Variants in WFS1 observed in about 807,000 individuals in gnomAD.
WFS1 encodes the protein wolframin ER transmembrane glycoprotein.
In WFS1, 90 loss-of-function variants were observed where a neutral mutation model predicts 68.5. The observed-to-expected ratio is 1.31, with a 90% CI of 1.11 to 1.56. WFS1 has a LOEUF of 1.56. WFS1 is among the 40% of genes most tolerant of loss of function. The probability of loss-of-function intolerance (pLI) is 0.00; values close to 1 mark genes in which losing one functional copy is unlikely to be tolerated. For synonymous variants in WFS1, 860 were observed against 540.7 expected (o/e 1.59, Z -8.19); for missense variants, 1,767 against 1,232.6 (o/e 1.43, Z -6.49).
chr4:6,301,310 C>T lies in WFS1; in HGVS notation c.1515C>T (p.Cys505=). The T allele has an allele frequency of 3.7e-6, 6 of 1,611,428 alleles. No homozygotes were observed. The highest frequency in any genetic ancestry group is 5.1e-6 in the Non-Finnish European group (6 of 1,179,970). Residue 505 remains cysteine, a synonymous_variant, in exon 8 of 8, where the codon TGC becomes TGT. Coordinates refer to ENST00000226760, the MANE Select transcript of WFS1 (RefSeq NM_006005.3). ...TCGTCCTCAACGTCAGCGTCCCGTGCCTGCTCTATGTCTACCTGCTCTATC... is the reference window on the plus strand; with the variant it reads ...TCGTCCTCAACGTCAGCGTCCCGTGTCTGCTCTATGTCTACCTGCTCTATC... ...HLVVLNVSVP[C]LLYVYLLYLF...
At position 6,300,328 on chromosome 4, in the gene WFS1, T is replaced by C. The variant is rs970189031; in HGVS notation, c.862-329T>C. Among the ~76,000 whole-genome samples, 8 of 152,106 alleles carry C rather than the reference T, an allele frequency of 5.3e-5. No homozygotes were observed. In the East Asian group the frequency reaches 7.8e-4, roughly 15 times the overall value. Reference sequence around the variant, plus strand: ...GTGGGTGACCCTGAGGGGAGGGAAGTGGGGAGCCCGTGGGTCCCTCCAGTG... The same window carrying C: ...GTGGGTGACCCTGAGGGGAGGGAAGCGGGGAGCCCGTGGGTCCCTCCAGTG... On this transcript the variant is annotated intron_variant, in intron 7 of 7. Transcript: ENST00000226760.
chr4:6,299,297 G>A (rs1282837796), intron 7 of WFS1, among the ~76,000 whole-genome samples: 1 of 152,212 alleles, frequency 6.6e-6, no homozygotes, highest in Admixed American at 6.5e-5. Flanking sequence ...CCTCTTGGCT[G>A]TGGTGAAGGC....
Position 6,295,054 on chromosome 4 carries a change from C to T in WFS1, c.726C>T (p.Ile242=), listed in dbSNP as rs71524381. 124 of 1,613,436 alleles carry T rather than the reference C, an allele frequency of 7.7e-5. No homozygotes were observed. The highest frequency in any genetic ancestry group is 1.6e-4 in the Middle Eastern group (1 of 6,082). ...RLVSSESKNY[I]ALDDFVEITK... The stretch of plus-strand genomic sequence containing the variant: ...CTCATGCTTCAGCCAAGAACTACAT[C>T]GCGCTGGATGACTTTGTGGAGATCA... The change falls in exon 7 of 8, where the codon ATC becomes ATT. Residue 242 remains isoleucine, a synonymous_variant. Transcript: ENST00000226760.
rs1560418384 is a variant in WFS1, at chr4:6,300,944, C to T, written c.1149C>T (p.Arg383=). ...GCACCCTCACCGACCTGCTGCTGCGCTTCGAGCCCAACCTGGATGTGGAGC... is the reference window on the plus strand; with the variant it reads ...GCACCCTCACCGACCTGCTGCTGCGTTTCGAGCCCAACCTGGATGTGGAGC... The part of the protein sequence containing the change: ...NFRTLTDLLL[R]FEPNLDVEQA... The change falls in exon 8 of 8, where the codon CGC becomes CGT. Residue 383 remains arginine, a synonymous_variant. Transcript: ENST00000226760. 6.2e-7 allele frequency: 1 copy of T among 1,614,082 alleles called. No individual in the cohort carries two copies. Among genetic ancestry groups the T allele is most frequent in the Non-Finnish European group, 8.5e-7 (1 of 1,180,030 alleles).
chr4:6,277,701 C>G lies in WFS1; in HGVS notation c.232+14C>G. ...CAGACGGCACCGGTAAGGGAGCAGG[C>G]TGGGAAGCCCAGGCTGGGGATGTTC... On this transcript the variant is annotated intron_variant, in intron 2 of 7. Transcript: ENST00000226760. 6.4e-7 allele frequency: 1 copy of G among 1,552,116 alleles called. No individual in the cohort carries two copies. The highest frequency in any genetic ancestry group is 1.2e-5 in the South Asian group (1 of 84,190).
rs777663097 is a variant in WFS1, at chr4:6,301,965, C to T, written c.2170C>T (p.Pro724Ser). The T allele has an allele frequency of 1.9e-6, 3 of 1,612,820 alleles. No homozygotes were observed. In the East Asian group the frequency reaches 6.7e-5, roughly 36 times the overall value. Residue 724 changes from proline to serine, a missense_variant, in exon 8 of 8, where the codon CCG becomes TCG. Physicochemically the swap from Pro to Ser is moderately conservative, Grantham distance 74 (BLOSUM62 -1). Coordinates refer to ENST00000226760, the MANE Select transcript of WFS1 (RefSeq NM_006005.3). ...NSAESAINML[P>S]FFIGDWMRCL... is the part of the protein sequence containing the mutation. ...CGCCGAGTCTGCCATCAACATGCTC[C>T]CGTTCTTCATCGGCGACTGGATGCG...
In WFS1 at chr4:6,301,604, C is replaced by G. The variant is rs757084899; in HGVS notation, c.1809C>G (p.Val603=). 1.2e-6 allele frequency: 2 copies of G among 1,614,168 alleles called. No individual in the cohort carries two copies. Among genetic ancestry groups the G allele is most frequent in the East Asian group, 2.2e-5 (1 of 44,876 alleles). Residue 603 remains valine, a synonymous_variant, in exon 8 of 8, where the codon GTC becomes GTG. Coordinates refer to ENST00000226760, the MANE Select transcript of WFS1 (RefSeq NM_006005.3). ...ELTKIAVTVA[V]CSVPLLLRWW... ...CCAAGATCGCAGTCACCGTGGCGGT[C>G]TGTAGTGTGCCCCTGCTGTTGCGCT...
At position 6,277,455 on chromosome 4, in the gene WFS1, G is replaced by C. The variant is rs1405305093; in HGVS notation, c.-1G>C. 6.4e-7 allele frequency: 1 copy of C among 1,553,202 alleles called. No homozygotes were observed. Among genetic ancestry groups the C allele is most frequent in the Admixed American group, 1.9e-5 (1 of 51,300 alleles). On this transcript the variant is annotated 5_prime_UTR_variant, in exon 2 of 8. Coordinates refer to ENST00000226760, the MANE Select transcript of WFS1 (RefSeq NM_006005.3). ...TGACCTTGACTTTTCTTCCAGGCAG[G>C]ATGGACTCCAACACTGCTCCGCTGG...
At position 6,270,363 on chromosome 4, in the gene WFS1, C is replaced by G. The variant is rs571212929; in HGVS notation, c.-6+349C>G. Among the ~76,000 whole-genome samples, 32 of 151,650 alleles carry G rather than the reference C, an allele frequency of 2.1e-4. No homozygotes were observed. The East Asian group carries it at 5.9e-3, about 28-fold the overall frequency. ...CTCCCCGCGCCCCGCGCCATCCCCC[C>G]CGAGTTGCCCCGTCATGCCCCTCCC... On this transcript the variant is annotated intron_variant, in intron 1 of 7. Transcript: ENST00000226760.
At chr4:6,295,840 C>T (rs1730625321) in intron 7 of WFS1, among the ~76,000 whole-genome samples, 1 of 152,118 alleles carries the variant, frequency 6.6e-6, no homozygotes, top group Non-Finnish European at 1.5e-5. Context: ...GCCATGTGGC[C>T]CTATGGCCTC....
chr4:6,275,227 A>G (rs1279276604), intron 1 of WFS1, among the ~76,000 whole-genome samples: 1 of 152,166 alleles, frequency 6.6e-6, no homozygotes, highest in Admixed American at 6.5e-5. Context: ...TGAGAAAGTG[A>G]CACCTGACTT....
intron 6 of WFS1, chr4:6,294,624 A>G: frequency 6.3e-6 from 2 of 319,110 alleles, no homozygotes; most frequent in Admixed American, 4.1e-5. Context: ...GTACTGCCCT[A>G]CAGGGCGGCT....
chr4:6,291,517 T>C, intron 5 of WFS1, 150 bp downstream of exon 5: 3 of 1,093,100 alleles, frequency 2.7e-6, no homozygotes, highest in Non-Finnish European at 4.0e-6. Flanking sequence ...GGGCCCTTCC[T>C]TGTGGGGACC....
Position 6,295,145 on chromosome 4 carries a change from G to C in WFS1, c.817G>C (p.Glu273Gln). Residue 273 changes from glutamate (E) to glutamine (Q), a missense_variant, in exon 7 of 8, where the codon GAG (glutamate) becomes CAG (glutamine). Transcript: ENST00000226760. ...LFLQDDEDDD[E>Q]LAGKSPEDLP... ...CCTGCAGGACGACGAAGATGATGAC[G>C]AGCTGGCGGGGAAGAGCCCTGAGGA... 1 of 1,612,748 alleles carries C rather than the reference G, an allele frequency of 6.2e-7. No individual in the cohort carries two copies. Among genetic ancestry groups the C allele is most frequent in the Non-Finnish European group, 8.5e-7 (1 of 1,180,018 alleles).
chr4:6,284,590 C>A (rs569701154), intron 2 of WFS1, among the ~76,000 whole-genome samples: 2 of 151,876 alleles, frequency 1.3e-5, no homozygotes, highest in Non-Finnish European at 2.9e-5. Flanking sequence ...CTTGAATTCA[C>A]TAGAGGTGCT....
chr4:6,292,832 C>T (rs1021135369), intron 6 of WFS1, among the ~76,000 whole-genome samples: 1 of 152,126 alleles, frequency 6.6e-6, no homozygotes, highest in Admixed American at 6.5e-5. Flanking sequence ...GACTGAAGGA[C>T]CTCGCCCATC....
Position 6,301,216 on chromosome 4 carries a change from T to C in WFS1, c.1421T>C (p.Met474Thr). ...TAGLLSLLPS[M>T]PLNWPYLKVL... ...GGCCTGCTATCGCTGCTGCCCTCCA[T>C]GCCCTTGAATTGGCCCTACCTGAAG... is the stretch of plus-strand genomic sequence containing the variant. Residue 474 changes from methionine (M) to threonine (T), a missense_variant, in exon 8 of 8, where the codon ATG becomes ACG. Coordinates refer to ENST00000226760, the MANE Select transcript of WFS1 (RefSeq NM_006005.3). 6.2e-7 allele frequency: 1 copy of C among 1,612,118 alleles called. No individual in the cohort carries two copies. Among genetic ancestry groups the C allele is most frequent in the Non-Finnish European group, 8.5e-7 (1 of 1,180,020 alleles).
intron 1 of WFS1, among the ~76,000 whole-genome samples, chr4:6,275,206 C>G (rs1261777788): frequency 6.6e-6 from 1 of 152,156 alleles, no homozygotes; most frequent in Admixed American, 6.5e-5. Flanking sequence ...AAGGTGCCCT[C>G]TCTCTCTGTC....
At chr4:6,286,421 C>G (rs571720092) in intron 2 of WFS1, among the ~76,000 whole-genome samples, 8 of 152,154 alleles carry the variant, frequency 5.3e-5, no homozygotes, top group Non-Finnish European at 1.2e-4. Flanking sequence ...TCAGTAGACA[C>G]GGAGTCTGCA....
Sources: gnomAD v4.1 joint callset for allele counts (sites outside exome capture counted in the v4.1 genomes callset) on GRCh38, gnomAD v4.1.1 for gene constraint, MANE v1.5 for transcripts, NCBI Gene and HGNC (gene_info 2026-07-23, HGNC 2026-07-21) for gene names.